REC114: variants seen among roughly 807,000 people sequenced by gnomAD.
The protein encoded by REC114 is REC114 meiotic recombination protein, also known as meiotic recombination protein REC114.
A neutral mutation model predicts 31.3 loss-of-function variants in REC114; 27 were observed. The observed-to-expected ratio is 0.86, with a 90% confidence interval of 0.64 to 1.19. The LOEUF is 1.19. Ranked by LOEUF, REC114 falls within the 50% of genes most tolerant of loss-of-function variation. The probability of loss-of-function intolerance (pLI) is 0.00; values close to 1 mark genes in which losing one functional copy is unlikely to be tolerated. For missense variants in REC114, 344 were observed against 326.9 expected (o/e 1.05, Z -0.40); for synonymous variants, 134 against 127.7 (o/e 1.05, Z -0.33).
chr15:73,551,904 A>C (rs1191070226), intron 4 of REC114, among the ~76,000 whole-genome samples: 1 of 152,228 alleles, frequency 6.6e-6, no homozygotes, highest in Non-Finnish European at 1.5e-5. Flanking sequence ...CATGAGCTTC[A>C]CAACTTCCCA....
intron 4 of REC114, among the ~76,000 whole-genome samples, chr15:73,555,608 C>CTTGT (rs968252307): frequency 6.6e-6 from 1 of 152,126 alleles, no homozygotes; most frequent in Non-Finnish European, 1.5e-5. Context: ...CATGGTTTTA[C>CTTGT]TTGTTAGGTT....
chr15:73,507,437 A>G (rs1893695261), intron 2 of REC114, among the ~76,000 whole-genome samples: 2 of 152,146 alleles, frequency 1.3e-5, no homozygotes, highest in African/African-American at 4.8e-5. Flanking sequence ...TCTTCTTCCA[A>G]GGTGGCCCAG....
chr15:73,503,102 T>A (rs577379047), intron 2 of REC114, among the ~76,000 whole-genome samples: 12 of 152,310 alleles, frequency 7.9e-5, no homozygotes, highest in African/African-American at 2.4e-4. Context: ...TGGCAAAAAA[T>A]TTAGCAATAT....
At chr15:73,542,269 T>C (rs1894248786) in intron 3 of REC114, among the ~76,000 whole-genome samples, 1 of 149,158 alleles carries the variant, frequency 6.7e-6, no homozygotes, top group Non-Finnish European at 1.5e-5. Context: ...AGGCAGAGGT[T>C]GCAGTGAGCC....
chr15:73,535,162 G>A (rs1469558677), intron 2 of REC114, among the ~76,000 whole-genome samples: 1 of 145,558 alleles, frequency 6.9e-6, no homozygotes, highest in Non-Finnish European at 1.5e-5. Flanking sequence ...TCAACATAGT[G>A]TTGGAAGTTC....
At chr15:73,515,829 GTC>G (rs1358766145) in intron 2 of REC114, among the ~76,000 whole-genome samples, 1 of 152,152 alleles carries the variant, frequency 6.6e-6, no homozygotes, top group Admixed American at 6.6e-5. Context: ...AAGCCACCCT[GTC>G]TCTGGTATTT....
At chr15:73,543,222 C>T (rs145486916) in intron 3 of REC114, among the ~76,000 whole-genome samples, 77 of 152,208 alleles carry the variant, frequency 5.1e-4, no homozygotes, top group East Asian at 4.1e-3. Context: ...CTTCAAACTA[C>T]GTATAATTTG....
intron 1 of REC114, among the ~76,000 whole-genome samples, chr15:73,463,817 A>G (rs759562593): frequency 1.3e-5 from 2 of 152,132 alleles, no homozygotes; most frequent in Admixed American, 1.3e-4. Context: ...AAAGGAAAAA[A>G]AAAAAAGAGT....
At chr15:73,509,241 T>A (rs1567879057) in intron 2 of REC114, among the ~76,000 whole-genome samples, 1 of 150,412 alleles carries the variant, frequency 6.6e-6, no homozygotes, top group Non-Finnish European at 1.5e-5. Context: ...CATAAATGTC[T>A]TCTTTTGAGA....
chr15:73,536,905 C>T (rs1024814630), intron 2 of REC114, among the ~76,000 whole-genome samples: 3 of 152,102 alleles, frequency 2.0e-5, no homozygotes, highest in Non-Finnish European at 4.4e-5. Context: ...TTCAGGGGTA[C>T]ATGTGCAGGT....
intron 4 of REC114, among the ~76,000 whole-genome samples, chr15:73,552,102 C>CTA (rs2141336231): frequency 6.6e-6 from 1 of 152,250 alleles, no homozygotes; most frequent in African/African-American, 2.4e-5. Context: ...GTAAGATAGG[C>CTA]TAAAAGATTG....
intron 2 of REC114, among the ~76,000 whole-genome samples, chr15:73,518,704 T>G (rs1424778923): frequency 1.3e-5 from 2 of 152,148 alleles, no homozygotes; most frequent in Non-Finnish European, 2.9e-5. Context: ...GAATGCATGC[T>G]GGGGATACAA....
intron 4 of REC114, among the ~76,000 whole-genome samples, chr15:73,552,176 A>G (rs569547258): frequency 6.6e-6 from 1 of 152,214 alleles, no homozygotes; most frequent in Non-Finnish European, 1.5e-5. Flanking sequence ...CTTAACTTTA[A>G]GCAACTCACT....
intron 2 of REC114, among the ~76,000 whole-genome samples, chr15:73,539,282 A>T (rs1372715540): frequency 3.5e-4 from 25 of 70,776 alleles, no homozygotes; most frequent in African/African-American, 6.6e-4. Context: ...TTCAGAACTG[A>T]TTTTTTTTTT....
chr15:73,505,793 A>G (rs922817753), intron 2 of REC114, among the ~76,000 whole-genome samples: 2 of 151,934 alleles, frequency 1.3e-5, no homozygotes. Flanking sequence ...CGGCCTCCCA[A>G]AGTGCTGGGA....
chr15:73,521,453 C>T (rs1220072538), intron 2 of REC114, among the ~76,000 whole-genome samples: 2 of 151,830 alleles, frequency 1.3e-5, no homozygotes. Flanking sequence ...TGAAAAAGAA[C>T]AGTAAATCAA....
At chr15:73,474,680 G>A (rs1489958662) in intron 2 of REC114, among the ~76,000 whole-genome samples, 1 of 152,082 alleles carries the variant, frequency 6.6e-6, no homozygotes, top group South Asian at 2.1e-4. Context: ...GGGATGCTAG[G>A]GATATAGCAG....
intron 3 of REC114, among the ~76,000 whole-genome samples, chr15:73,549,054 A>C (rs1894352724): frequency 6.6e-6 from 1 of 152,290 alleles, no homozygotes; most frequent in African/African-American, 2.4e-5. Context: ...GGATCAGGAA[A>C]AATAACGAAT....
intron 3 of REC114, among the ~76,000 whole-genome samples, chr15:73,545,419 C>T (rs1894295559): frequency 6.6e-6 from 1 of 152,156 alleles, no homozygotes; most frequent in Non-Finnish European, 1.5e-5. Context: ...CTCTGGTTAA[C>T]CCAGTGGAAA....
Sources: gnomAD v4.1 joint callset for allele counts (sites outside exome capture counted in the v4.1 genomes callset) on GRCh38, gnomAD v4.1.1 for gene constraint, MANE v1.5 for transcripts, NCBI Gene and HGNC (gene_info 2026-07-23, HGNC 2026-07-21) for gene names.